The following CALN1 variants were observed in gnomAD, a reference collection of about 807,000 sequenced individuals.
CALN1 encodes calcium-binding protein 8.
A neutral mutation model predicts 30.6 loss-of-function variants in CALN1; 17 were observed. The ratio of observed to expected loss-of-function variants is 0.56; its 90% confidence interval spans 0.38 to 0.83. The LOEUF is 0.83. Among genes scored for constraint, CALN1 ranks in the 40% least tolerant of loss-of-function variants. The pLI is 0.00. For synonymous variants in CALN1, 156 were observed against 131.4 expected (o/e 1.19, Z -1.28); for missense variants, 291 against 354.9 (o/e 0.82, Z 1.45).
intron 2 of CALN1, among the ~76,000 whole-genome samples, chr7:72,374,531 CAA>C (rs200948574): frequency 2.2e-4 from 11 of 50,440 alleles, no homozygotes; most frequent in Non-Finnish European, 4.3e-4. Flanking sequence ...ACTCTGTCTC[CAA>C]AAAAAAAAAA....
chr7:71,906,656 C>T (rs1460978685), intron 5 of CALN1, among the ~76,000 whole-genome samples: 4 of 152,046 alleles, frequency 2.6e-5, no homozygotes, highest in Admixed American at 6.5e-5. Flanking sequence ...TACACTGTAG[C>T]GGGGCAAATT....
At chr7:72,352,306 T>C (rs1328622005) in intron 2 of CALN1, among the ~76,000 whole-genome samples, 7 of 149,010 alleles carry the variant, frequency 4.7e-5, no homozygotes, top group Non-Finnish European at 1.0e-4. Flanking sequence ...GGAGAATCGC[T>C]TGAACCTGGG....
chr7:72,151,604 G>A (rs955547414), intron 3 of CALN1, among the ~76,000 whole-genome samples: 3 of 152,090 alleles, frequency 2.0e-5, no homozygotes, highest in East Asian at 3.9e-4. Context: ...TTTCCAATGC[G>A]CTACCTTCTC....
chr7:72,239,894 G>C (rs945713215), intron 3 of CALN1, among the ~76,000 whole-genome samples: 2 of 152,172 alleles, frequency 1.3e-5, no homozygotes, highest in Non-Finnish European at 2.9e-5. Flanking sequence ...AAGCAGGATA[G>C]TCTTGTACAT....
chr7:72,126,084 C>G (rs1808743928), intron 3 of CALN1, among the ~76,000 whole-genome samples: 1 of 152,190 alleles, frequency 6.6e-6, no homozygotes, highest in Non-Finnish European at 1.5e-5. Flanking sequence ...CAGGCGTGAG[C>G]CACCGCGCCC....
At chr7:72,443,887 A>T (rs1417336129) in intron 1 of CALN1, among the ~76,000 whole-genome samples, 2 of 143,488 alleles carry the variant, frequency 1.4e-5, no homozygotes, top group Non-Finnish European at 3.1e-5. Context: ...CTTGTTGCCC[A>T]GGCTGGAGTG....
chr7:71,852,716 A>G (rs897311934), intron 5 of CALN1, among the ~76,000 whole-genome samples: 1 of 152,126 alleles, frequency 6.6e-6, no homozygotes. Context: ...CCTTGCCAAC[A>G]TTCGGTATTT....
intron 3 of CALN1, among the ~76,000 whole-genome samples, chr7:72,114,254 GAA>G (rs1807787974): frequency 4.4e-5 from 2 of 45,420 alleles, no homozygotes; most frequent in South Asian, 1.6e-3. Flanking sequence ...GAAGGGAAGG[GAA>G]GGGAAGGGAA....
chr7:72,367,093 G>A (rs570852568), intron 2 of CALN1, among the ~76,000 whole-genome samples: 1 of 146,680 alleles, frequency 6.8e-6, no homozygotes, highest in South Asian at 2.2e-4. Context: ...CATGCTTCAT[G>A]ATTATATTTT....
At chr7:72,288,035 A>G (rs999542239) in intron 2 of CALN1, among the ~76,000 whole-genome samples, 4 of 152,132 alleles carry the variant, frequency 2.6e-5, no homozygotes, top group Admixed American at 2.0e-4. Context: ...CTTAAAATAA[A>G]TATTTATTAT....
intron 5 of CALN1, among the ~76,000 whole-genome samples, chr7:72,008,467 A>G (rs1799894886): frequency 6.9e-6 from 1 of 145,564 alleles, no homozygotes; most frequent in Admixed American, 6.7e-5. Flanking sequence ...TATTATTATA[A>G]ATGATAATAA....
intron 4 of CALN1, among the ~76,000 whole-genome samples, chr7:72,067,791 C>T (rs1164519692): frequency 6.6e-6 from 1 of 151,024 alleles, no homozygotes; most frequent in Non-Finnish European, 1.5e-5. Flanking sequence ...GGCCCCAGGT[C>T]CAGCAAGGGC....
intron 6 of CALN1, among the ~76,000 whole-genome samples, chr7:71,807,561 C>T (rs10256890): frequency 2.0e-5 from 3 of 151,974 alleles, no homozygotes; most frequent in East Asian, 3.9e-4. Context: ...ATGTAATGAC[C>T]GTCCCAGAGG....
the CALN1 span, among the ~76,000 whole-genome samples, chr7:72,483,273 TCTTTTTC>T: frequency 1.4e-5 from 2 of 142,892 alleles, no homozygotes; most frequent in Non-Finnish European, 3.0e-5. Flanking sequence ...TTTTCCTTTT[TCTTTTTC>T]TTTTTTTTTT....
At chr7:72,214,339 G>A (rs981958494) in intron 3 of CALN1, among the ~76,000 whole-genome samples, 4 of 152,076 alleles carry the variant, frequency 2.6e-5, no homozygotes, top group African/African-American at 9.7e-5. Flanking sequence ...AATTAGCTGG[G>A]TGTGGTGGCA....
intron 3 of CALN1, among the ~76,000 whole-genome samples, chr7:72,223,178 C>T (rs561074748): frequency 3.9e-5 from 6 of 152,170 alleles, no homozygotes; most frequent in Admixed American, 6.5e-5. Context: ...TTTAACGGGC[C>T]GCGGTCAGGC....
chr7:72,378,687 GT>G (rs35655046), intron 2 of CALN1, among the ~76,000 whole-genome samples: 77,920 of 147,856 alleles, frequency 0.53, 20,338 homozygotes, highest in East Asian at 0.63. Context: ...CATCTGCCAA[GT>G]TTTTTTTTTT....
At chr7:72,384,318 C>G (rs1562937023) in intron 2 of CALN1, among the ~76,000 whole-genome samples, 1 of 152,000 alleles carries the variant, frequency 6.6e-6, no homozygotes, top group Non-Finnish European at 1.5e-5. Context: ...TAGAGGAACA[C>G]AGAGAGAATA....
At chr7:72,458,296 T>A in the CALN1 span, among the ~76,000 whole-genome samples, 1 of 43,712 alleles carries the variant, frequency 2.3e-5, no homozygotes, top group Non-Finnish European at 3.7e-5. Flanking sequence ...TATAATATAT[T>A]CTATATTATA....
Sources: gnomAD v4.1 joint callset for allele counts (sites outside exome capture counted in the v4.1 genomes callset) on GRCh38, gnomAD v4.1.1 for gene constraint, MANE v1.5 for transcripts, NCBI Gene and HGNC (gene_info 2026-07-23, HGNC 2026-07-21) for gene names.